LHFPL6: variants seen among roughly 807,000 people sequenced by gnomAD.
The protein encoded by LHFPL6 is LHFPL tetraspan subfamily member 6 protein.
LHFPL6 carries 9 observed loss-of-function variants against 20.6 expected under a neutral mutation model. The ratio of observed to expected loss-of-function variants is 0.44; its 90% CI spans 0.26 to 0.76. LHFPL6 has a LOEUF of 0.76. LHFPL6 is among the 30% of genes least tolerant of loss of function. LHFPL6 has a pLI of 0.20. For synonymous variants in LHFPL6, 105 were observed against 98.7 expected, an observed-to-expected ratio of 1.06 and a Z score of -0.38; for missense variants, 218 against 253.5, an observed-to-expected ratio of 0.86 and a Z score of 0.95.
chr13:39,459,822 CT>C (rs2138427839), intron 2 of LHFPL6, among the ~76,000 whole-genome samples: 1 of 152,232 alleles, frequency 6.6e-6, no homozygotes, highest in African/African-American at 2.4e-5. Flanking sequence ...CTCCAGCAAC[CT>C]GAAACATAAA....
At chr13:39,356,429 T>C (rs1313934151) in intron 3 of LHFPL6, among the ~76,000 whole-genome samples, 1 of 152,176 alleles carries the variant, frequency 6.6e-6, no homozygotes, top group Non-Finnish European at 1.5e-5. Context: ...TAGAAAGATC[T>C]CAAGTTAATA....
chr13:39,467,934 C>G (rs1160242495), intron 2 of LHFPL6, among the ~76,000 whole-genome samples: 1 of 152,142 alleles, frequency 6.6e-6, no homozygotes, highest in African/African-American at 2.4e-5. Flanking sequence ...CCCCTGTGCA[C>G]ATTGAATAAG....
chr13:39,555,471 A>G (rs749731474), intron 2 of LHFPL6, among the ~76,000 whole-genome samples: 77 of 152,180 alleles, frequency 5.1e-4, no homozygotes, highest in Admixed American at 1.2e-3. Context: ...GCCTCTAACA[A>G]CAAACACGGT....
At chr13:39,496,735 G>T (rs1461020909) in intron 2 of LHFPL6, among the ~76,000 whole-genome samples, 2 of 152,136 alleles carry the variant, frequency 1.3e-5, no homozygotes, top group African/African-American at 4.8e-5. Flanking sequence ...TAGTGAAAAG[G>T]CTAATTACAT....
intron 2 of LHFPL6, among the ~76,000 whole-genome samples, chr13:39,431,212 G>A (rs775253692): frequency 1.4e-4 from 21 of 148,872 alleles, no homozygotes; most frequent in Non-Finnish European, 2.7e-4. Context: ...AACAAACTCC[G>A]GGCACACCAT....
At chr13:39,498,388 T>C (rs989045751) in intron 2 of LHFPL6, among the ~76,000 whole-genome samples, 1 of 152,220 alleles carries the variant, frequency 6.6e-6, no homozygotes, top group Non-Finnish European at 1.5e-5. Flanking sequence ...GCTAATCACA[T>C]CCTATTTGTT....
intron 2 of LHFPL6, among the ~76,000 whole-genome samples, chr13:39,527,696 T>C (rs578209112): frequency 6.6e-6 from 1 of 152,134 alleles, no homozygotes; most frequent in African/African-American, 2.4e-5. Context: ...TATATACTCA[T>C]CATTTTTTTG....
At position 39,500,879 on chromosome 13, in the gene LHFPL6, T is replaced by C. The variant is rs568084674; in HGVS notation, c.385+99953A>G. Among the ~76,000 whole-genome samples, 3 of 152,282 alleles carry C rather than the reference T, an allele frequency of 2.0e-5. No individual in the cohort carries two copies. The East Asian group carries it at 5.8e-4, about 29-fold the overall frequency. On this transcript the variant is annotated intron_variant, in intron 2 of 3. Transcript: ENST00000379589. The stretch of plus-strand genomic sequence containing the variant: ...ATTTGGATTGTGTCTCTCAGACCAG[T>C]GATTTTCAGATTTGAGTGAGCATGA...
intron 2 of LHFPL6, among the ~76,000 whole-genome samples, chr13:39,490,905 G>A (rs1056299514): frequency 2.0e-5 from 3 of 152,068 alleles, no homozygotes; most frequent in Admixed American, 1.3e-4. Context: ...AAGTACTTCC[G>A]ATTATTTCAA....
At chr13:39,541,786 T>C (rs1870807354) in intron 2 of LHFPL6, among the ~76,000 whole-genome samples, 1 of 152,124 alleles carries the variant, frequency 6.6e-6, no homozygotes, top group Non-Finnish European at 1.5e-5. Flanking sequence ...CAGAATCTCA[T>C]TTAAAATGCA....
At chr13:39,374,383 G>C (rs1464414430) in intron 3 of LHFPL6, among the ~76,000 whole-genome samples, 1 of 152,092 alleles carries the variant, frequency 6.6e-6, no homozygotes, top group African/African-American at 2.4e-5. Context: ...ACTACTATGA[G>C]GGGAGGGACG....
At chr13:39,500,696 T>C (rs1331261562) in intron 2 of LHFPL6, among the ~76,000 whole-genome samples, 1 of 152,240 alleles carries the variant, frequency 6.6e-6, no homozygotes, top group Non-Finnish European at 1.5e-5. Context: ...ATGAATTGTA[T>C]ATTAAATGTT....
At chr13:39,368,421 A>C (rs2138351126) in intron 3 of LHFPL6, among the ~76,000 whole-genome samples, 1 of 152,240 alleles carries the variant, frequency 6.6e-6, no homozygotes, top group Admixed American at 6.5e-5. Context: ...GTCTCTATTA[A>C]AAATACAAAA....
chr13:39,371,826 T>A (rs1027134270), intron 3 of LHFPL6, among the ~76,000 whole-genome samples: 7 of 152,192 alleles, frequency 4.6e-5, no homozygotes, highest in African/African-American at 9.6e-5. Context: ...CATTATCCCT[T>A]TGAGCGGACA....
chr13:39,557,448 T>G (rs775553903), intron 2 of LHFPL6, among the ~76,000 whole-genome samples: 48 of 152,348 alleles, frequency 3.2e-4, no homozygotes, highest in Non-Finnish European at 6.5e-4. Context: ...GCACAGCCTC[T>G]ACTAGGGCAG....
intron 1 of LHFPL6, 123 bp downstream of exon 1, chr13:39,602,760 G>C (rs1258335887): frequency 6.6e-6 from 1 of 152,358 alleles, no homozygotes; most frequent in African/African-American, 2.4e-5. Context: ...AGAGCCGACG[G>C]ATCCGCCGAG....
intron 2 of LHFPL6, among the ~76,000 whole-genome samples, chr13:39,496,278 G>A (rs965574682): frequency 6.6e-6 from 1 of 152,174 alleles, no homozygotes; most frequent in Non-Finnish European, 1.5e-5. Flanking sequence ...CATGGTGGAA[G>A]GGGTAAGGTA....
intron 2 of LHFPL6, among the ~76,000 whole-genome samples, chr13:39,558,443 C>T (rs910379455): frequency 3.9e-5 from 6 of 152,350 alleles, no homozygotes; most frequent in African/African-American, 1.4e-4. Context: ...TTTGACAACA[C>T]ATAATTGGAA....
intron 2 of LHFPL6, among the ~76,000 whole-genome samples, chr13:39,561,291 C>T (rs2138519947): frequency 6.6e-6 from 1 of 152,122 alleles, no homozygotes; most frequent in African/African-American, 2.4e-5. Flanking sequence ...CTATCCAAGC[C>T]GTGGCCCATG....
Sources: gnomAD v4.1 joint callset for allele counts (sites outside exome capture counted in the v4.1 genomes callset) on GRCh38, gnomAD v4.1.1 for gene constraint, MANE v1.5 for transcripts, NCBI Gene and HGNC (gene_info 2026-07-23, HGNC 2026-07-21) for gene names.